ERBB4: variants seen among roughly 807,000 people sequenced by gnomAD.
ERBB4 encodes the protein erb-b2 receptor tyrosine kinase 4.
In ERBB4, 42 loss-of-function variants were observed where a neutral mutation model predicts 158.0. The ratio of observed to expected loss-of-function variants is 0.27; its 90% CI spans 0.21 to 0.34. The LOEUF is 0.34. Ranked by LOEUF, ERBB4 falls within the 10% of genes least tolerant of loss-of-function variation. The probability of loss-of-function intolerance (pLI) is 1.00; values close to 1 mark genes in which losing one functional copy is unlikely to be tolerated. For missense variants in ERBB4, 1,333 were observed against 1,624.1 expected (o/e 0.82, Z 3.08); for synonymous variants, 583 against 558.7 (o/e 1.04, Z -0.61).
intron 4 of ERBB4, among the ~76,000 whole-genome samples, chr2:211,772,921 A>T (rs2075746817): frequency 2.2e-5 from 1 of 45,344 alleles, no homozygotes; most frequent in Non-Finnish European, 4.1e-5. Flanking sequence ...ACACACACAC[A>T]CACATATATA....
intron 2 of ERBB4, among the ~76,000 whole-genome samples, chr2:212,029,051 C>T (rs2076841134): frequency 6.6e-6 from 1 of 152,036 alleles, no homozygotes; most frequent in Non-Finnish European, 1.5e-5. Context: ...AACACCCGGG[C>T]GTTGCCTCCC....
At chr2:212,035,996 T>A (rs1009001680) in intron 2 of ERBB4, among the ~76,000 whole-genome samples, 1 of 152,236 alleles carries the variant, frequency 6.6e-6, no homozygotes. Flanking sequence ...GGGATACATA[T>A]AGGTAAACAT....
chr2:211,982,852 T>C (rs1341014419), intron 2 of ERBB4, among the ~76,000 whole-genome samples: 1 of 152,266 alleles, frequency 6.6e-6, no homozygotes, highest in Non-Finnish European at 1.5e-5. Flanking sequence ...ATGTTACATT[T>C]TTGCTCTTTG....
intron 1 of ERBB4, among the ~76,000 whole-genome samples, chr2:212,490,166 A>C (rs1290712182): frequency 6.6e-6 from 1 of 151,784 alleles, no homozygotes; most frequent in Non-Finnish European, 1.5e-5. Flanking sequence ...GGGATGACTA[A>C]TCATTTTCTT....
chr2:211,597,307 A>G lies in ERBB4; in HGVS notation c.2301+21870T>C, dbSNP rs982488486. Among the ~76,000 whole-genome samples the G allele has an allele frequency of 4.6e-5, 7 of 152,340 alleles. No individual in the cohort carries two copies. The East Asian group carries it at 9.6e-4, about 21-fold the overall frequency. ...CTCAAAGATATATTTCAAATTTGTTATAGCAAACATCACTGAACTTAACCA... is the reference window on the plus strand; with the variant it reads ...CTCAAAGATATATTTCAAATTTGTTGTAGCAAACATCACTGAACTTAACCA... On this transcript the variant is annotated intron_variant, in intron 19 of 27. Coordinates refer to ENST00000342788, the MANE Select transcript of ERBB4 (RefSeq NM_005235.3).
intron 25 of ERBB4, among the ~76,000 whole-genome samples, chr2:211,392,443 A>T (rs2062816491): frequency 6.6e-6 from 1 of 152,088 alleles, no homozygotes; most frequent in Non-Finnish European, 1.5e-5. Flanking sequence ...AATTTTATAT[A>T]TATGACACAT....
At chr2:211,578,038 C>T (rs2067946575) in intron 19 of ERBB4, among the ~76,000 whole-genome samples, 1 of 151,600 alleles carries the variant, frequency 6.6e-6, no homozygotes, top group Non-Finnish European at 1.5e-5. Context: ...TAATATGATC[C>T]CACATCAAGA....
chr2:211,565,438 A>T (rs1051082328), intron 19 of ERBB4, among the ~76,000 whole-genome samples: 3 of 152,324 alleles, frequency 2.0e-5, no homozygotes, highest in Non-Finnish European at 4.4e-5. Context: ...TATTATTTAA[A>T]TGTATGGAGT....
At chr2:211,415,535 A>G (rs2063370927) in intron 25 of ERBB4, among the ~76,000 whole-genome samples, 1 of 152,220 alleles carries the variant, frequency 6.6e-6, no homozygotes. Context: ...TACAGGAGAG[A>G]CCAAAGATTT....
At chr2:211,692,070 T>C (rs1272847909) in intron 12 of ERBB4, among the ~76,000 whole-genome samples, 1 of 152,138 alleles carries the variant, frequency 6.6e-6, no homozygotes, top group African/African-American at 2.4e-5. Context: ...ATAGCGATAA[T>C]AGAGATAGGC....
At chr2:212,177,285 A>AT (rs906510755) in intron 1 of ERBB4, among the ~76,000 whole-genome samples, 1 of 151,740 alleles carries the variant, frequency 6.6e-6, no homozygotes. Context: ...AATTTGCAAT[A>AT]TTTTTTTCCA....
intron 1 of ERBB4, among the ~76,000 whole-genome samples, chr2:212,452,712 T>C (rs1688058437): frequency 2.6e-5 from 4 of 152,140 alleles, no homozygotes; most frequent in Admixed American, 2.6e-4. Flanking sequence ...ATTTGCTTAC[T>C]CTGTATAAGA....
intron 3 of ERBB4, among the ~76,000 whole-genome samples, chr2:211,907,522 T>G (rs1032903418): frequency 6.6e-6 from 1 of 151,592 alleles, no homozygotes; most frequent in Non-Finnish European, 1.5e-5. Flanking sequence ...ATTATTTGTC[T>G]TGGAAGAAGA....
intron 16 of ERBB4, among the ~76,000 whole-genome samples, chr2:211,645,767 A>G (rs547822780): frequency 6.6e-6 from 1 of 151,820 alleles, no homozygotes; most frequent in East Asian, 1.9e-4. Context: ...TGACACTATA[A>G]TTCAAATGTT....
At chr2:211,640,213 A>C (rs1348338285) in intron 16 of ERBB4, among the ~76,000 whole-genome samples, 2 of 152,142 alleles carry the variant, frequency 1.3e-5, no homozygotes, top group Non-Finnish European at 2.9e-5. Flanking sequence ...CTTTCTTGGG[A>C]AGTATCACTA....
At chr2:211,624,101 CTG>C (rs2069742672) in intron 17 of ERBB4, 57 bp from the exon 18 acceptor site, 113 of 1,598,648 alleles carry the variant, frequency 7.1e-5, no homozygotes, top group Non-Finnish European at 9.7e-5. Flanking sequence ...TCCTCTCTCT[CTG>C]TCTCTCTCTC....
At chr2:211,592,177 C>G (rs1235331103) in intron 19 of ERBB4, among the ~76,000 whole-genome samples, 1 of 95,484 alleles carries the variant, frequency 1.0e-5, no homozygotes. Context: ...CTGCTAGACG[C>G]CCGGTAGACG....
At chr2:211,476,301 A>C (rs2064952036) in intron 20 of ERBB4, among the ~76,000 whole-genome samples, 1 of 152,126 alleles carries the variant, frequency 6.6e-6, no homozygotes, top group Non-Finnish European at 1.5e-5. Context: ...GAAAGATACA[A>C]GGACATGGTT....
chr2:212,132,334 A>C (rs1378383614), intron 1 of ERBB4, among the ~76,000 whole-genome samples: 1 of 152,120 alleles, frequency 6.6e-6, no homozygotes, highest in African/African-American at 2.4e-5. Context: ...GGTTAATTTT[A>C]TATGTCACTT....
Sources: gnomAD v4.1 joint callset for allele counts (sites outside exome capture counted in the v4.1 genomes callset) on GRCh38, gnomAD v4.1.1 for gene constraint, MANE v1.5 for transcripts, NCBI Gene and HGNC (gene_info 2026-07-23, HGNC 2026-07-21) for gene names.